Variants in KPNA6 observed in about 807,000 individuals in gnomAD.
The protein encoded by KPNA6 is karyopherin subunit alpha 6.
KPNA6 carries 9 observed loss-of-function variants against 72.0 expected under a neutral mutation model. That is an observed-to-expected ratio of 0.13 (90% CI 0.08 to 0.22). KPNA6 has a LOEUF of 0.22. KPNA6 is among the 10% of genes least tolerant of loss of function. The probability of loss-of-function intolerance (pLI) is 1.00; values close to 1 mark genes in which losing one functional copy is unlikely to be tolerated. For missense variants in KPNA6, 374 were observed against 655.7 expected, an observed-to-expected ratio of 0.57 and a Z score of 4.69; for synonymous variants, 219 against 242.1, an observed-to-expected ratio of 0.90 and a Z score of 0.89.
chr1:32,127,323 C>T (rs1204746907), intron 1 of KPNA6, among the ~76,000 whole-genome samples: 1 of 152,168 alleles, frequency 6.6e-6, no homozygotes. Flanking sequence ...CATGGCATGT[C>T]TTCTGGGAGT....
chr1:32,124,310 C>T (rs1641492785), intron 1 of KPNA6, among the ~76,000 whole-genome samples: 1 of 151,304 alleles, frequency 6.6e-6, no homozygotes, highest in Non-Finnish European at 1.5e-5. Flanking sequence ...GAGGTAGAGG[C>T]TGTAGTGAGC....
chr1:32,115,724 C>T (rs1203242681), intron 1 of KPNA6, among the ~76,000 whole-genome samples: 1 of 151,876 alleles, frequency 6.6e-6, no homozygotes, highest in African/African-American at 2.4e-5. Flanking sequence ...TGAGTTTGGC[C>T]TCCACATTGA....
chr1:32,125,922 A>G (rs1387070346), intron 1 of KPNA6, among the ~76,000 whole-genome samples: 1 of 151,484 alleles, frequency 6.6e-6, no homozygotes, highest in Non-Finnish European at 1.5e-5. Context: ...AAGACTATAA[A>G]TAATCTCATG....
chr1:32,121,408 C>T (rs949654847), intron 1 of KPNA6, among the ~76,000 whole-genome samples: 2 of 152,162 alleles, frequency 1.3e-5, no homozygotes, highest in Non-Finnish European at 2.9e-5. Flanking sequence ...TTTGAGGATT[C>T]TCTGACCTCC....
At chr1:32,166,484 G>A (rs1423310317) in intron 11 of KPNA6, among the ~76,000 whole-genome samples, 1 of 151,790 alleles carries the variant, frequency 6.6e-6, no homozygotes, top group East Asian at 1.9e-4. Context: ...AATTAGATGG[G>A]TGTGGTGGCG....
chr1:32,169,933 A>G lies in KPNA6; in HGVS notation c.1296A>G (p.Val432=), dbSNP rs1490599609. The change falls in exon 13 of 14, where the codon GTA becomes GTG. Residue 432 remains valine (V), a synonymous_variant. Transcript: ENST00000373625. ...CIKPLCDLLT[V]MDSKIVQVAL... ...AACCCCTATGTGACTTGCTGACTGT[A>G]ATGGATTCGAAGATTGTGCAAGTGG... The G allele has an allele frequency of 1.2e-6, 2 of 1,613,974 alleles. No homozygotes were observed. Among genetic ancestry groups the G allele is most frequent in the Non-Finnish European group, 8.5e-7 (1 of 1,179,994 alleles).
chr1:32,134,751 A>G (rs759994174), intron 1 of KPNA6, among the ~76,000 whole-genome samples: 3 of 152,126 alleles, frequency 2.0e-5, no homozygotes, highest in Non-Finnish European at 4.4e-5. Context: ...CACATATTGT[A>G]TGGTTCTATT....
In KPNA6 at chr1:32,157,426, C is replaced by T. The variant is rs943939541; in HGVS notation, c.312C>T (p.Phe104=). 1.4e-5 allele frequency: 22 copies of T among 1,613,436 alleles called. No individual in the cohort carries two copies. Among genetic ancestry groups the T allele is most frequent in the Non-Finnish European group, 1.7e-5 (20 of 1,179,530 alleles). Reference sequence around the variant, plus strand: ...TGCAGTTAGCAACCACACAGAAATTCCGGAAACTGCTCTCCAAAGGTACAA... The same window carrying T: ...TGCAGTTAGCAACCACACAGAAATTTCGGAAACTGCTCTCCAAAGGTACAA... The part of the protein sequence containing the change: ...SDLQLATTQK[F]RKLLSKEPSP... Residue 104 remains phenylalanine (F), a synonymous_variant, in exon 4 of 14, where the codon TTC becomes TTT. Transcript: ENST00000373625.
intron 7 of KPNA6, 67 bp from the exon 8 acceptor site, chr1:32,161,880 G>T (rs1642244116): frequency 1.7e-6 from 2 of 1,172,588 alleles, no homozygotes; most frequent in Admixed American, 3.7e-5. Context: ...TTTGTCTCTG[G>T]GTTCATTGGC....
intron 1 of KPNA6, among the ~76,000 whole-genome samples, chr1:32,135,359 G>A (rs111710119): frequency 4.3e-4 from 66 of 152,144 alleles, no homozygotes; most frequent in Middle Eastern, 6.8e-3. Flanking sequence ...GAGCCACCGC[G>A]CCTGGCCAAT....
At chr1:32,134,407 G>GAGGC (rs1641697199) in intron 1 of KPNA6, among the ~76,000 whole-genome samples, 1 of 151,988 alleles carries the variant, frequency 6.6e-6, no homozygotes, top group African/African-American at 2.4e-5. Flanking sequence ...TTAGGAGGCT[G>GAGGC]AGGCAGGAAG....
At chr1:32,111,376 C>G (rs1365895473) in intron 1 of KPNA6, among the ~76,000 whole-genome samples, 3 of 152,280 alleles carry the variant, frequency 2.0e-5, no homozygotes, top group South Asian at 4.1e-4. Flanking sequence ...CATGAAAGTT[C>G]TTCAGTGGAG....
chr1:32,120,094 G>T (rs1020512851), intron 1 of KPNA6, among the ~76,000 whole-genome samples: 2 of 152,008 alleles, frequency 1.3e-5, no homozygotes, highest in Admixed American at 1.3e-4. Flanking sequence ...TTCAAAATCT[G>T]AAAACATTAA....
At chr1:32,135,593 A>G (rs575605497) in intron 1 of KPNA6, among the ~76,000 whole-genome samples, 1 of 149,294 alleles carries the variant, frequency 6.7e-6, no homozygotes, top group Non-Finnish European at 1.5e-5. Context: ...TCAGCCTCCC[A>G]AATTGCTAGA....
chr1:32,170,965 G>C lies in KPNA6; in HGVS notation c.*71G>C, dbSNP rs1438797902. On this transcript the variant is annotated 3_prime_UTR_variant, in exon 14 of 14. Transcript: ENST00000373625. ...GCGGAAGAGCAGCCCTCTGGTGGGC[G>C]GGAAACCAGTGTCCCCACCATCAGC... 2 of 1,407,370 alleles carry C rather than the reference G, an allele frequency of 1.4e-6. No homozygotes were observed. Among genetic ancestry groups the C allele is most frequent in the Admixed American group, 3.5e-5 (2 of 57,694 alleles). 87.2% of individuals were successfully genotyped at this position (1,407,370 alleles called of 1,614,324 possible).
At chr1:32,149,979 C>G (rs2124043816) in intron 1 of KPNA6, among the ~76,000 whole-genome samples, 1 of 152,064 alleles carries the variant, frequency 6.6e-6, no homozygotes, top group East Asian at 1.9e-4. Flanking sequence ...CTTAATAGGT[C>G]TTTATCTGGC....
Position 32,170,162 on chromosome 1 carries a change from A to G in KPNA6, c.1423+102A>G, listed in dbSNP as rs1290728670. 2.9e-6 allele frequency: 3 copies of G among 1,019,010 alleles called. No homozygotes were observed. In the African/African-American group the frequency reaches 4.8e-5, roughly 16 times the overall value. 63.1% of individuals were successfully genotyped at this position (1,019,010 alleles called of 1,614,324 possible). A position where few individuals can be genotyped will look rare whatever the true frequency, so the allele number is the denominator to read the frequency against. On this transcript the variant is annotated intron_variant, in intron 13 of 13. Coordinates refer to ENST00000373625, the MANE Select transcript of KPNA6 (RefSeq NM_012316.5). ...GCGGAGTGTGGGTTGGGAAGCATCCATAGCTTCCATGAGACTGATGTCTGT... is the reference window on the plus strand; with the variant it reads ...GCGGAGTGTGGGTTGGGAAGCATCCGTAGCTTCCATGAGACTGATGTCTGT...
chr1:32,150,627 T>C (rs1642012188), intron 1 of KPNA6, among the ~76,000 whole-genome samples: 1 of 151,918 alleles, frequency 6.6e-6, no homozygotes, highest in African/African-American at 2.4e-5. Flanking sequence ...TATAGTACTT[T>C]TTGTTGTTTG....
At chr1:32,159,293 T>C (rs1642196660) in intron 5 of KPNA6, 107 bp from the exon 6 acceptor site, 1 of 1,197,638 alleles carries the variant, frequency 8.3e-7, no homozygotes, top group Non-Finnish European at 1.2e-6. Flanking sequence ...GGTTTTGTTT[T>C]GGTTTTTTAA....
Sources: gnomAD v4.1 joint callset for allele counts (sites outside exome capture counted in the v4.1 genomes callset) on GRCh38, gnomAD v4.1.1 for gene constraint, MANE v1.5 for transcripts, NCBI Gene and HGNC (gene_info 2026-07-23, HGNC 2026-07-21) for gene names.